The following MVB12B variants were observed in gnomAD, a reference collection of about 807,000 sequenced individuals.
The protein encoded by MVB12B is multivesicular body subunit 12B.
In MVB12B, 16 loss-of-function variants were observed where a neutral mutation model predicts 41.6. The ratio of observed to expected loss-of-function variants is 0.38; its 90% confidence interval spans 0.26 to 0.58. The LOEUF is 0.58. Among genes scored for constraint, MVB12B ranks in the 20% least tolerant of loss-of-function variants. MVB12B has a pLI of 0.62. For missense variants in MVB12B, 274 were observed against 380.2 expected (o/e 0.72, Z 2.32); for synonymous variants, 133 against 139.7 (o/e 0.95, Z 0.34).
intron 1 of MVB12B, among the ~76,000 whole-genome samples, chr9:126,336,309 TA>T (rs1432170084): frequency 1.3e-5 from 2 of 152,250 alleles, no homozygotes; most frequent in Non-Finnish European, 2.9e-5. Flanking sequence ...TGTGATACAG[TA>T]GCTCTGTTTT....
chr9:126,447,806 C>A (rs759684691), intron 7 of MVB12B, among the ~76,000 whole-genome samples: 1 of 152,178 alleles, frequency 6.6e-6, no homozygotes, highest in Non-Finnish European at 1.5e-5. Flanking sequence ...ATGTCAGTAT[C>A]ATTTTGATCA....
At chr9:126,502,914 C>T (rs1337564896) in intron 9 of MVB12B, among the ~76,000 whole-genome samples, 1 of 152,194 alleles carries the variant, frequency 6.6e-6, no homozygotes, top group Non-Finnish European at 1.5e-5. Context: ...TCACAGGGAG[C>T]AGGCAGGCAC....
At chr9:126,351,481 C>CGCTT in intron 2 of MVB12B, among the ~76,000 whole-genome samples, 5 of 106,038 alleles carry the variant, frequency 4.7e-5, no homozygotes, top group South Asian at 3.5e-4. Context: ...CAGTCTTTCA[C>CGCTT]TCTTTTTTTT....
intron 2 of MVB12B, among the ~76,000 whole-genome samples, chr9:126,372,016 C>G (rs1302808516): frequency 6.6e-6 from 1 of 152,244 alleles, no homozygotes; most frequent in South Asian, 2.1e-4. Context: ...GAACGCTCCA[C>G]TCATTAGCCA....
At chr9:126,487,601 A>G (rs778486725) in intron 9 of MVB12B, among the ~76,000 whole-genome samples, 1 of 152,150 alleles carries the variant, frequency 6.6e-6, no homozygotes, top group Non-Finnish European at 1.5e-5. Flanking sequence ...CTCTGCTAAA[A>G]ACACACACAC....
chr9:126,355,598 C>T (rs1829860592), intron 2 of MVB12B, among the ~76,000 whole-genome samples: 1 of 152,212 alleles, frequency 6.6e-6, no homozygotes, highest in Non-Finnish European at 1.5e-5. Flanking sequence ...CTGCTGACCA[C>T]AGGAAGAAAT....
At chr9:126,363,579 T>C (rs890168064) in intron 2 of MVB12B, among the ~76,000 whole-genome samples, 5 of 152,238 alleles carry the variant, frequency 3.3e-5, no homozygotes, top group Non-Finnish European at 7.3e-5. Context: ...ATGAGGTTAC[T>C]CACCTGCTTA....
chr9:126,415,643 T>C (rs774457201), intron 6 of MVB12B, among the ~76,000 whole-genome samples: 3 of 152,186 alleles, frequency 2.0e-5, no homozygotes, highest in African/African-American at 4.8e-5. Context: ...CCCGAAACTA[T>C]CCCTAATTAT....
intron 6 of MVB12B, chr9:126,396,139 TA>T: frequency 1.0e-6 from 1 of 990,756 alleles, no homozygotes; most frequent in Non-Finnish European, 1.2e-6. Flanking sequence ...CAATGAGCTA[TA>T]AAGTAAGAAA....
chr9:126,346,965 C>T (rs150904200), intron 2 of MVB12B, among the ~76,000 whole-genome samples: 24 of 152,242 alleles, frequency 1.6e-4, no homozygotes, highest in Non-Finnish European at 2.9e-4. Flanking sequence ...GAGGTGACAA[C>T]GAGAGGTTGA....
intron 7 of MVB12B, among the ~76,000 whole-genome samples, chr9:126,471,571 T>C (rs936192719): frequency 2.0e-5 from 3 of 152,204 alleles, no homozygotes; most frequent in Non-Finnish European, 2.9e-5. Context: ...TCTACAAATA[T>C]CTTCCAAGGA....
chr9:126,341,861 A>G (rs1329123542), intron 2 of MVB12B, among the ~76,000 whole-genome samples: 1 of 152,174 alleles, frequency 6.6e-6, no homozygotes, highest in East Asian at 1.9e-4. Context: ...TGCAATGGTC[A>G]AGGCAGATCT....
intron 3 of MVB12B, among the ~76,000 whole-genome samples, chr9:126,384,599 G>A (rs1405995401): frequency 1.3e-5 from 2 of 152,106 alleles, no homozygotes; most frequent in East Asian, 3.9e-4. Context: ...CACAATCTCA[G>A]CTCACTGCAG....
chr9:126,390,360 G>C (rs1387050358), intron 4 of MVB12B, among the ~76,000 whole-genome samples: 1 of 152,220 alleles, frequency 6.6e-6, no homozygotes, highest in African/African-American at 2.4e-5. Flanking sequence ...GAGAAATTAA[G>C]TAACTTGCCT....
At chr9:126,406,667 G>A (rs1207856310) in intron 6 of MVB12B, among the ~76,000 whole-genome samples, 3 of 152,242 alleles carry the variant, frequency 2.0e-5, no homozygotes, top group African/African-American at 4.8e-5. Flanking sequence ...GAATGGAAGT[G>A]TGGTGCCCCT....
chr9:126,422,637 AG>A (rs1043121593), intron 7 of MVB12B, among the ~76,000 whole-genome samples: 2 of 152,222 alleles, frequency 1.3e-5, no homozygotes, highest in Non-Finnish European at 2.9e-5. Flanking sequence ...TTTGTGTATA[AG>A]GGGAAAGTGG....
At chr9:126,336,536 G>A (rs1199163249) in intron 1 of MVB12B, among the ~76,000 whole-genome samples, 1 of 152,244 alleles carries the variant, frequency 6.6e-6, no homozygotes, top group South Asian at 2.1e-4. Context: ...AGGTGCTGCA[G>A]TACCGGGAGC....
intron 6 of MVB12B, among the ~76,000 whole-genome samples, chr9:126,417,799 C>G (rs1274866078): frequency 1.3e-5 from 2 of 152,212 alleles, no homozygotes; most frequent in African/African-American, 2.4e-5. Context: ...AGAAGACACT[C>G]AGGCATCCAA....
At position 126,327,695 on chromosome 9, in the gene MVB12B, G is replaced by A. The variant is rs1829021377; in HGVS notation, c.81+685G>A. On this transcript the variant is annotated intron_variant, in intron 1 of 9. Coordinates refer to ENST00000361171, the MANE Select transcript of MVB12B (RefSeq NM_033446.3). ...CCTCAGAGGCAGGCACCAGGGAACG[G>A]GGTAGACCCAAGAGCATCTTTTGTC... Among the ~76,000 whole-genome samples the A allele has an allele frequency of 2.6e-5, 4 of 152,166 alleles. No individual in the cohort carries two copies. In the South Asian group the frequency reaches 8.3e-4, roughly 32 times the overall value.
Sources: gnomAD v4.1 joint callset for allele counts (sites outside exome capture counted in the v4.1 genomes callset) on GRCh38, gnomAD v4.1.1 for gene constraint, MANE v1.5 for transcripts, NCBI Gene and HGNC (gene_info 2026-07-23, HGNC 2026-07-21) for gene names.